The following NLRC5 variants were observed in gnomAD, a reference collection of about 807,000 sequenced individuals.
NLRC5 encodes the protein protein NLRC5.
A neutral mutation model predicts 206.9 loss-of-function variants in NLRC5; 114 were observed. The ratio of observed to expected loss-of-function variants is 0.55; its 90% confidence interval spans 0.47 to 0.64. The LOEUF is 0.64. NLRC5 is among the 30% of genes least tolerant of loss of function. NLRC5 has a pLI of 0.00. For synonymous variants in NLRC5, 952 were observed against 962.8 expected, an observed-to-expected ratio of 0.99 and a Z score of 0.21; for missense variants, 2,008 against 2,305.5, an observed-to-expected ratio of 0.87 and a Z score of 2.64.
intron 23 of NLRC5, among the ~76,000 whole-genome samples, chr16:57,049,828 C>T (rs1348705432): frequency 1.3e-5 from 2 of 152,148 alleles, no homozygotes; most frequent in Admixed American, 1.3e-4. Flanking sequence ...GGTCCCCCTC[C>T]ATTACCTGTG....
At chr16:57,051,742 CCT>C in intron 24 of NLRC5, 121 bp downstream of exon 24, 1 of 696,092 alleles carries the variant, frequency 1.4e-6, no homozygotes, top group East Asian at 2.6e-5. Context: ...CCTCCAACCC[CCT>C]CTACCCGCTC....
Position 57,076,846 on chromosome 16 carries a change from C to T in NLRC5, c.4779C>T (p.Val1593=), listed in dbSNP as rs113401504. The T allele has an allele frequency of 1.1e-4, 179 of 1,614,094 alleles. No individual in the cohort carries two copies. The highest frequency in any genetic ancestry group is 5.3e-4 in the East Asian group (24 of 44,884). Residue 1593 remains valine (V), a synonymous_variant, in exon 40 of 49, where the codon GTC becomes GTT. Coordinates refer to ENST00000688547, the MANE Select transcript of NLRC5 (RefSeq NM_001384950.1). ...LRLNRNSIGD[V]GCCHLSEALR... is the part of the protein sequence containing the mutation. ...TGAACAGGAACAGTATCGGTGATGT[C>T]GGTTGCTGCCACCTTTCTGAGGCTC...
chr16:57,009,717 TAACC>T (rs1457517089), intron 1 of NLRC5, among the ~76,000 whole-genome samples: 3 of 152,122 alleles, frequency 2.0e-5, no homozygotes, highest in Admixed American at 6.5e-5. Flanking sequence ...AAGCCAAAAA[TAACC>T]AACCAACACA....
At chr16:57,065,393 G>A in intron 33 of NLRC5, 95 bp downstream of exon 33, 2 of 809,690 alleles carry the variant, frequency 2.5e-6, no homozygotes, top group East Asian at 3.3e-5. Context: ...GGTAATAGCT[G>A]TGTCACCAGC....
intron 22 of NLRC5, 53 bp downstream of exon 22, chr16:57,046,694 C>T: frequency 7.0e-7 from 1 of 1,425,896 alleles, no homozygotes; most frequent in Non-Finnish European, 9.8e-7. Flanking sequence ...GATGAGGCGT[C>T]AGAGGGGGCA....
intron 47 of NLRC5, 35 bp downstream of exon 47, chr16:57,081,216 A>G (rs2069101272): frequency 6.5e-7 from 1 of 1,527,350 alleles, no homozygotes; most frequent in Non-Finnish European, 8.8e-7. Flanking sequence ...GGACGGGCTA[A>G]AGGGGGACCT....
At chr16:57,021,180 C>T (rs1433245918) in intron 3 of NLRC5, 173 bp downstream of exon 3, 4 of 613,642 alleles carry the variant, frequency 6.5e-6, no homozygotes, top group Non-Finnish European at 1.1e-5. Flanking sequence ...CCCAAATCTG[C>T]TGGGGCCTGG....
chr16:57,028,233 C>T, intron 7 of NLRC5, 69 bp from the exon 8 acceptor site: 1 of 1,575,456 alleles, frequency 6.3e-7, no homozygotes, highest in Non-Finnish European at 8.7e-7. Context: ...TAATCCTACA[C>T]AAGGCAGATT....
intron 1 of NLRC5, among the ~76,000 whole-genome samples, chr16:57,016,217 GA>G (rs2060089740): frequency 6.6e-6 from 1 of 152,152 alleles, no homozygotes; most frequent in Non-Finnish European, 1.5e-5. Context: ...TCCATCTCAA[GA>G]AAAAAGAAAG....
At chr16:57,070,681 G>T (rs887349286) in intron 38 of NLRC5, 63 bp downstream of exon 38, 6 of 1,399,194 alleles carry the variant, frequency 4.3e-6, no homozygotes, top group Admixed American at 1.7e-5. Flanking sequence ...TGGTGGAAGT[G>T]GGTGAGTGGT....
chr16:57,060,045 ATT>A (rs1304681409), intron 30 of NLRC5, among the ~76,000 whole-genome samples: 2 of 149,334 alleles, frequency 1.3e-5, no homozygotes, highest in Non-Finnish European at 3.0e-5. Flanking sequence ...TATTATTATT[ATT>A]ATTATTATTA....
chr16:57,054,684 T>G, intron 24 of NLRC5, 67 bp from the exon 25 acceptor site: 4 of 590,228 alleles, frequency 6.8e-6, no homozygotes, highest in Non-Finnish European at 1.3e-5. Flanking sequence ...CTCCCTTTCC[T>G]TACCCTCCAG....
At chr16:57,071,104 G>A (rs1188282383) in intron 38 of NLRC5, among the ~76,000 whole-genome samples, 2 of 142,198 alleles carry the variant, frequency 1.4e-5, no homozygotes, top group East Asian at 4.7e-4. Context: ...GTGGTTAATG[G>A]GGAAGGGGGT....
chr16:57,074,504 G>A, intron 38 of NLRC5, 96 bp from the exon 39 acceptor site: 1 of 1,013,644 alleles, frequency 9.9e-7, no homozygotes, highest in South Asian at 1.3e-5. Flanking sequence ...CTGTCTTGGA[G>A]GTCCCTAGGC....
At chr16:57,050,064 A>G (rs1341548399) in intron 23 of NLRC5, among the ~76,000 whole-genome samples, 6 of 151,644 alleles carry the variant, frequency 4.0e-5, no homozygotes, top group African/African-American at 1.5e-4. Context: ...ACACATGGGC[A>G]TACCATGTGG....
At chr16:57,078,229 C>T (rs746988064) in intron 43 of NLRC5, among the ~76,000 whole-genome samples, 1 of 152,206 alleles carries the variant, frequency 6.6e-6, no homozygotes, top group Non-Finnish European at 1.5e-5. Flanking sequence ...TGCCACTGGC[C>T]CCTGCCTGAC....
In NLRC5 at chr16:57,015,602, A is replaced by AAGTAAGTAAG. The variant is rs1452392078; in HGVS notation, c.-127-1472_-127-1471insAGTAAGTAAG. ...CCCTGTCTCTTAAAAAAATAAATAAATAAATAAATAAATAAATAAATAAAT... is the reference window on the plus strand; with the variant it reads ...CCCTGTCTCTTAAAAAAATAAATAAAAGTAAGTAAGTAAATAAATAAATAAATAAATAAAT... On this transcript the variant is annotated intron_variant, in intron 1 of 48. Transcript: ENST00000688547. Among the ~76,000 whole-genome samples, 69 of 97,994 alleles carry AAGTAAGTAAG rather than the reference A, an allele frequency of 7.0e-4. 2 individuals carry two copies. The highest frequency in any genetic ancestry group is 2.6e-3 in the African/African-American group (67 of 26,050). The allele number at this position is 97,994 out of a possible 152,430, so 64.3% of individuals were successfully genotyped here. A position where few individuals can be genotyped will look rare whatever the true frequency, so the allele number is the denominator to read the frequency against.
intron 2 of NLRC5, among the ~76,000 whole-genome samples, chr16:57,017,991 G>A (rs1170750873): frequency 6.6e-6 from 1 of 152,194 alleles, no homozygotes; most frequent in African/African-American, 2.4e-5. Context: ...TCCTGAGGAT[G>A]GTTAGCCTTA....
In NLRC5 at chr16:57,017,524, T is replaced by A. The variant is rs2060215255; in HGVS notation, c.-13+336T>A. 2.6e-5 allele frequency among the ~76,000 whole-genome samples: 4 copies of A among 152,194 alleles called. No homozygotes were observed. In the South Asian group the frequency reaches 8.3e-4, roughly 32 times the overall value. The stretch of plus-strand genomic sequence containing the variant: ...GTACATGCACCCTCCAAAGTCCCAG[T>A]GACTCATGGCAACAAAAGTTTATTT... On this transcript the variant is annotated intron_variant, in intron 2 of 48. Transcript: ENST00000688547.
Sources: allele counts gnomAD v4.1 joint callset (sites outside exome capture counted in the v4.1 genomes callset), GRCh38; gene constraint gnomAD v4.1.1; transcripts MANE v1.5; gene names NCBI Gene and HGNC (gene_info 2026-07-23, HGNC 2026-07-21).